Variants in ARB2A observed in about 807,000 individuals in gnomAD.
The protein encoded by ARB2A is cotranscriptional regulator ARB2A.
At chr5:94,011,160 T>C in the ARB2A span, among the ~76,000 whole-genome samples, 1 of 152,176 alleles carries the variant, frequency 6.6e-6, no homozygotes. Context: ...AAAGACTCAG[T>C]AGTCTCATGG....
chr5:93,814,356 A>G, the ARB2A span, among the ~76,000 whole-genome samples: 1 of 152,208 alleles, frequency 6.6e-6, no homozygotes, highest in African/African-American at 2.4e-5. Flanking sequence ...AGGTTGCATC[A>G]AGCAAAAGAT....
chr5:93,924,213 C>G, the ARB2A span, among the ~76,000 whole-genome samples: 1 of 151,764 alleles, frequency 6.6e-6, no homozygotes, highest in Admixed American at 6.6e-5. Flanking sequence ...CTAACAAACC[C>G]TTAAGGGAAA....
the ARB2A span, among the ~76,000 whole-genome samples, chr5:94,067,107 G>A: frequency 6.6e-6 from 1 of 152,272 alleles, no homozygotes; most frequent in African/African-American, 2.4e-5. Context: ...CATCTCAGTA[G>A]ATGCAGTGAA....
At chr5:93,637,534 T>C in the ARB2A span, among the ~76,000 whole-genome samples, 1 of 152,174 alleles carries the variant, frequency 6.6e-6, no homozygotes, top group Non-Finnish European at 1.5e-5. Flanking sequence ...TAGTTCATGT[T>C]TAGTTTTTCA....
At chr5:93,648,775 T>C in the ARB2A span, among the ~76,000 whole-genome samples, 1 of 152,232 alleles carries the variant, frequency 6.6e-6, no homozygotes, top group Non-Finnish European at 1.5e-5. Flanking sequence ...ATCAATATGC[T>C]TGAAGTTCTA....
chr5:94,068,493 C>T, the ARB2A span, among the ~76,000 whole-genome samples: 1 of 152,162 alleles, frequency 6.6e-6, no homozygotes, highest in Non-Finnish European at 1.5e-5. Context: ...AGAGTGAAAA[C>T]AGAGCTCCCA....
the ARB2A span, among the ~76,000 whole-genome samples, chr5:93,834,153 G>A: frequency 6.6e-6 from 1 of 152,140 alleles, no homozygotes; most frequent in Non-Finnish European, 1.5e-5. Context: ...TTTCAAATAG[G>A]TTTAAGGGTA....
chr5:93,780,863 C>A, the ARB2A span, among the ~76,000 whole-genome samples: 180 of 152,176 alleles, frequency 1.2e-3, no homozygotes, highest in Non-Finnish European at 1.9e-3. Context: ...CTGGCCTGAC[C>A]TTCTTTCTTT....
the ARB2A span, among the ~76,000 whole-genome samples, chr5:94,091,374 C>T: frequency 9.6e-4 from 146 of 152,270 alleles, no homozygotes; most frequent in African/African-American, 3.4e-3. Flanking sequence ...ATTCTAGTCA[C>T]AACCACCTGT....
the ARB2A span, among the ~76,000 whole-genome samples, chr5:94,014,208 G>A: frequency 6.6e-6 from 1 of 152,142 alleles, no homozygotes; most frequent in Non-Finnish European, 1.5e-5. Flanking sequence ...ACTGTAGGAG[G>A]TGCATTCCAC....
the ARB2A span, among the ~76,000 whole-genome samples, chr5:93,851,122 AGACT>A: frequency 6.6e-6 from 1 of 152,228 alleles, no homozygotes; most frequent in East Asian, 1.9e-4. Flanking sequence ...TGTTATAGAC[AGACT>A]GACAGATAAA....
the ARB2A span, among the ~76,000 whole-genome samples, chr5:93,887,651 C>T: frequency 6.6e-6 from 1 of 151,686 alleles, no homozygotes; most frequent in Non-Finnish European, 1.5e-5. Context: ...TAGTTTTAAG[C>T]CATACAACAG....
At chr5:93,673,095 C>G in the ARB2A span, among the ~76,000 whole-genome samples, 1 of 152,172 alleles carries the variant, frequency 6.6e-6, no homozygotes, top group African/African-American at 2.4e-5. Context: ...TTAATAGAAT[C>G]TATTTTCTTC....
the ARB2A span, among the ~76,000 whole-genome samples, chr5:93,754,806 T>A: frequency 1.3e-5 from 2 of 152,240 alleles, no homozygotes; most frequent in Non-Finnish European, 2.9e-5. Context: ...GCTTCCATAT[T>A]TCTATGTCCT....
the ARB2A span, among the ~76,000 whole-genome samples, chr5:94,075,800 AT>A: frequency 6.6e-6 from 1 of 152,184 alleles, no homozygotes; most frequent in Non-Finnish European, 1.5e-5. Flanking sequence ...AAAATAAATA[AT>A]TTAAAACTAT....
chr5:93,875,433 T>C, the ARB2A span, among the ~76,000 whole-genome samples: 25 of 152,146 alleles, frequency 1.6e-4, no homozygotes, highest in Non-Finnish European at 3.4e-4. Flanking sequence ...GGTTTCACCA[T>C]GTTGGCCAGG....
At chr5:93,765,258 C>T in the ARB2A span, among the ~76,000 whole-genome samples, 1 of 152,086 alleles carries the variant, frequency 6.6e-6, no homozygotes, top group Non-Finnish European at 1.5e-5. Context: ...TCAAATTGTC[C>T]CTGTTTGCAG....
the ARB2A span, chr5:93,682,730 G>T: frequency 2.9e-6 from 2 of 691,386 alleles, no homozygotes; most frequent in South Asian, 1.6e-5. Flanking sequence ...ATCAAACACG[G>T]TAGAGAAAGT....
At chr5:93,688,382 C>T in the ARB2A span, among the ~76,000 whole-genome samples, 1 of 152,314 alleles carries the variant, frequency 6.6e-6, no homozygotes, top group Admixed American at 6.5e-5. Flanking sequence ...TCAAATCCTG[C>T]CTTATCTTCA....
Sources: gnomAD v4.1 joint callset for allele counts (sites outside exome capture counted in the v4.1 genomes callset) on GRCh38, gnomAD v4.1.1 for gene constraint, MANE v1.5 for transcripts, NCBI Gene and HGNC (gene_info 2026-07-23, HGNC 2026-07-21) for gene names.